The following RAD51B variants were observed in gnomAD, a reference collection of about 807,000 sequenced individuals.
RAD51B encodes the protein RAD51 paralog B.
RAD51B carries 38 observed loss-of-function variants against 42.2 expected under a neutral mutation model. That is an observed-to-expected ratio of 0.90 (90% CI 0.70 to 1.18). RAD51B has a LOEUF of 1.18. Ranked by LOEUF, RAD51B falls within the 50% of genes most tolerant of loss-of-function variation. RAD51B has a pLI of 0.00. For missense variants in RAD51B, 373 were observed against 400.7 expected (o/e 0.93, Z 0.59); for synonymous variants, 154 against 145.2 (o/e 1.06, Z -0.43).
In RAD51B at chr14:68,023,471, C is replaced by T. The variant is rs186397034; in HGVS notation, c.756+136267C>T. Among the ~76,000 whole-genome samples, 5 of 152,066 alleles carry T rather than the reference C, an allele frequency of 3.3e-5. 1 individual carries two copies. In the South Asian group the frequency reaches 6.2e-4, roughly 19 times the overall value. On this transcript the variant is annotated intron_variant, in intron 7 of 10. Coordinates refer to ENST00000471583, the MANE Select transcript of RAD51B (RefSeq NM_133510.4). ...CCTCCTGAGTAGCTGTGATTACAGGCGTGCGCCATGAGGCCTGGCTAATTT... is the reference window on the plus strand; with the variant it reads ...CCTCCTGAGTAGCTGTGATTACAGGTGTGCGCCATGAGGCCTGGCTAATTT...
At chr14:68,646,110 A>T (rs1023637183) in intron 10 of RAD51B, among the ~76,000 whole-genome samples, 2 of 151,916 alleles carry the variant, frequency 1.3e-5, no homozygotes, top group African/African-American at 4.8e-5. Context: ...CATACGTACT[A>T]TTCCCAGGAA....
intron 7 of RAD51B, among the ~76,000 whole-genome samples, chr14:68,141,135 T>C (rs1399531030): frequency 6.6e-6 from 1 of 152,226 alleles, no homozygotes; most frequent in Non-Finnish European, 1.5e-5. Context: ...AGTCAGACAT[T>C]GAAGAAACTT....
chr14:67,826,408 G>A (rs1389552928), intron 3 of RAD51B, among the ~76,000 whole-genome samples: 1 of 152,006 alleles, frequency 6.6e-6, no homozygotes, highest in East Asian at 1.9e-4. Flanking sequence ...CAGACTTTTT[G>A]TGTCATGACT....
At chr14:68,553,653 C>T (rs1447117829) in intron 10 of RAD51B, among the ~76,000 whole-genome samples, 2 of 143,922 alleles carry the variant, frequency 1.4e-5, no homozygotes, top group African/African-American at 5.2e-5. Context: ...GGAATAGAGG[C>T]CATTAGCACA....
intron 10 of RAD51B, among the ~76,000 whole-genome samples, chr14:68,644,349 T>C (rs750231563): frequency 2.0e-5 from 3 of 152,152 alleles, no homozygotes; most frequent in Non-Finnish European, 2.9e-5. Context: ...ATAAGTCCTG[T>C]TCCTAGTCAC....
intron 7 of RAD51B, among the ~76,000 whole-genome samples, chr14:68,104,716 C>G (rs971133120): frequency 1.3e-5 from 2 of 152,128 alleles, no homozygotes; most frequent in African/African-American, 4.8e-5. Context: ...CCACATGATT[C>G]TTGTAAGTGG....
intron 7 of RAD51B, among the ~76,000 whole-genome samples, chr14:67,998,901 T>G (rs1458186032): frequency 6.6e-6 from 1 of 152,178 alleles, no homozygotes; most frequent in Non-Finnish European, 1.5e-5. Context: ...TCAGTCATAG[T>G]CTCAAGGGGA....
intron 7 of RAD51B, among the ~76,000 whole-genome samples, chr14:67,960,954 G>T (rs1447603707): frequency 6.6e-6 from 1 of 152,060 alleles, no homozygotes; most frequent in Non-Finnish European, 1.5e-5. Flanking sequence ...ACAGGCATGA[G>T]CCACTGTGCC....
chr14:68,214,254 A>T (rs2079769046), intron 7 of RAD51B, among the ~76,000 whole-genome samples: 1 of 152,194 alleles, frequency 6.6e-6, no homozygotes, highest in Non-Finnish European at 1.5e-5. Context: ...TCTTTTTGGT[A>T]TCCTTGAAGT....
intron 7 of RAD51B, among the ~76,000 whole-genome samples, chr14:67,905,087 A>G (rs1333693085): frequency 6.6e-6 from 1 of 152,026 alleles, no homozygotes; most frequent in Non-Finnish European, 1.5e-5. Context: ...TGGTTTCTGT[A>G]TATGGTAAAA....
At chr14:67,932,890 C>T (rs551013935) in intron 7 of RAD51B, among the ~76,000 whole-genome samples, 7 of 152,230 alleles carry the variant, frequency 4.6e-5, no homozygotes, top group Admixed American at 1.3e-4. Context: ...GCAGCTCCTC[C>T]GGCTTGTCCA....
chr14:67,982,651 C>T (rs747558707), intron 7 of RAD51B, among the ~76,000 whole-genome samples: 10 of 152,122 alleles, frequency 6.6e-5, no homozygotes, highest in Non-Finnish European at 1.2e-4. Flanking sequence ...GAAAAACTAT[C>T]ATAGGCCATC....
intron 10 of RAD51B, among the ~76,000 whole-genome samples, chr14:68,502,734 A>C (rs1885010977): frequency 1.3e-5 from 2 of 152,142 alleles, no homozygotes; most frequent in African/African-American, 2.4e-5. Flanking sequence ...TCGGAAGCTT[A>C]ATTTAAAGTG....
At chr14:68,510,250 C>T (rs981997430) in intron 10 of RAD51B, among the ~76,000 whole-genome samples, 3 of 152,186 alleles carry the variant, frequency 2.0e-5, no homozygotes, top group African/African-American at 7.2e-5. Flanking sequence ...GTCTCTGATT[C>T]ATGCAGATTA....
intron 8 of RAD51B, among the ~76,000 whole-genome samples, chr14:68,362,582 G>A (rs962730052): frequency 6.6e-6 from 1 of 152,158 alleles, no homozygotes; most frequent in African/African-American, 2.4e-5. Flanking sequence ...GGGCGCAGTG[G>A]CTCACACCTG....
intron 8 of RAD51B, among the ~76,000 whole-genome samples, chr14:68,308,489 C>G (rs906341656): frequency 6.6e-6 from 1 of 151,988 alleles, no homozygotes; most frequent in African/African-American, 2.4e-5. Flanking sequence ...TAATAAAAGG[C>G]CCTACAAGCA....
At position 67,930,712 on chromosome 14, in the gene RAD51B, T is replaced by C. The variant is rs540692506; in HGVS notation, c.756+43508T>C. On this transcript the variant is annotated intron_variant, in intron 7 of 10. Transcript: ENST00000471583. ...GATCACTGGTCTTCCTGTACCTGGA[T>C]GTCTAAATCTCTTGGTAGACTTGGG... Among the ~76,000 whole-genome samples the C allele has an allele frequency of 8.0e-4, 122 of 152,322 alleles. 1 individual carries two copies. The highest frequency in any genetic ancestry group is 2.9e-3 in the African/African-American group (120 of 41,580).
intron 7 of RAD51B, among the ~76,000 whole-genome samples, chr14:67,916,308 G>T (rs2044148248): frequency 6.6e-6 from 1 of 151,728 alleles, no homozygotes. Context: ...TTTGAGACTG[G>T]TCTCACTTTG....
chr14:68,595,536 C>A, exon 11 of RAD51B: 1 of 1,066,546 alleles, frequency 9.4e-7, no homozygotes, highest in Non-Finnish European at 1.1e-6. Context: ...GTCTGTCTGG[C>A]CCATCAAATG....
Sources: allele counts gnomAD v4.1 joint callset (sites outside exome capture counted in the v4.1 genomes callset), GRCh38; gene constraint gnomAD v4.1.1; transcripts MANE v1.5; gene names NCBI Gene and HGNC (gene_info 2026-07-23, HGNC 2026-07-21).